The following ABCC9 variants were observed in gnomAD, a reference collection of about 807,000 sequenced individuals.
ABCC9 encodes the protein ATP binding cassette subfamily C member 9, also known as ATP-binding cassette sub-family C member 9.
Under a neutral mutation model 188.3 loss-of-function variants are expected in ABCC9, and 95 were observed. The ratio of observed to expected loss-of-function variants is 0.50; its 90% CI spans 0.43 to 0.60. The LOEUF is 0.60. Among genes scored for constraint, ABCC9 ranks in the 20% least tolerant of loss-of-function variants. ABCC9 has a pLI of 0.00. For synonymous variants in ABCC9, 659 were observed against 652.7 expected (o/e 1.01, Z -0.15); for missense variants, 1,102 against 1,876.3 (o/e 0.59, Z 7.62).
intron 30 of ABCC9, among the ~76,000 whole-genome samples, 172 bp from the exon 31 acceptor site, chr12:21,829,232 C>G (rs374314089): frequency 2.7e-5 from 3 of 109,656 alleles, no homozygotes; most frequent in Admixed American, 1.4e-4. Flanking sequence ...GATGGAGTCT[C>G]GCTCTGTTGC....
chr12:21,842,873 T>C (rs556313834), intron 28 of ABCC9, among the ~76,000 whole-genome samples: 32 of 152,208 alleles, frequency 2.1e-4, no homozygotes, highest in Non-Finnish European at 4.6e-4. Context: ...TTTAAATTAA[T>C]TTTCTGTAAT....
intron 16 of ABCC9, among the ~76,000 whole-genome samples, chr12:21,881,317 G>T (rs527734962): frequency 1.3e-5 from 2 of 152,036 alleles, no homozygotes; most frequent in African/African-American, 4.8e-5. Flanking sequence ...AGCTTTCACC[G>T]TAAATAAAAA....
At chr12:21,812,024 A>G (rs778635151) in intron 36 of ABCC9, 25 bp downstream of exon 36, 2 of 1,483,760 alleles carry the variant, frequency 1.3e-6, no homozygotes, top group South Asian at 2.3e-5. Context: ...TAAGGCATAC[A>G]GGTGTTGCTA....
rs1308457722 is a variant in ABCC9, at chr12:21,851,435, TACTTA to T, written c.2769+657_2769+661del. The stretch of plus-strand genomic sequence containing the variant: ...ATATGCTGTACAACTTTAGGTAAGT[TACTTA>T]ACTTCTCTGAGCCTCAGCTTTCTCA... On this transcript the variant is annotated intron_variant, in intron 24 of 39. Coordinates refer to ENST00000261200, the MANE Select transcript of ABCC9 (RefSeq NM_020297.4). 2.0e-5 allele frequency among the ~76,000 whole-genome samples: 3 copies of T among 152,294 alleles called. No homozygotes were observed. The East Asian group carries it at 5.8e-4, about 29-fold the overall frequency.
chr12:21,844,474 G>T lies in ABCC9; in HGVS notation c.3315+9C>A, dbSNP rs547388535. The T allele has an allele frequency of 1.3e-5, 21 of 1,610,940 alleles. No homozygotes were observed. In the South Asian group the frequency reaches 2.1e-4, roughly 16 times the overall value. On this transcript the variant is annotated intron_variant, in intron 28 of 39. Transcript: ENST00000261200. ...AATTTTTGAACTTGGAAGTAACCCAGTTACTCACCTGATCAATGATATTAG... is the reference window on the plus strand; with the variant it reads ...AATTTTTGAACTTGGAAGTAACCCATTTACTCACCTGATCAATGATATTAG...
At chr12:21,823,640 C>G (rs886899912) in intron 31 of ABCC9, among the ~76,000 whole-genome samples, 5 of 152,232 alleles carry the variant, frequency 3.3e-5, no homozygotes, top group African/African-American at 1.2e-4. Context: ...CACAGCAAGA[C>G]AAAGCCTTGG....
At chr12:21,907,032 G>T (rs1434234132) in intron 11 of ABCC9, among the ~76,000 whole-genome samples, 1 of 152,074 alleles carries the variant, frequency 6.6e-6, no homozygotes, top group Non-Finnish European at 1.5e-5. Context: ...GGGCAGTAGA[G>T]TGGTCAAAAG....
Position 21,910,172 on chromosome 12 carries a change from C to T in ABCC9, c.1305G>A (p.Trp435Ter), listed in dbSNP as rs1555113677. The change falls in exon 10 of 40, where the codon TGG (tryptophan) becomes TGA (stop). Residue 435 changes from tryptophan (W) to a stop codon, truncating the protein, a stop_gained. Transcript: ENST00000261200. LOFTEE classifies it high-confidence loss of function. The part of the protein sequence containing the change: ...MWFLFLCPNL[W>*]AMPVQIIMGV... ...ATCTACCTACCTGAACAGGCATAGC[C>T]CATAGATTGGGACACAGGAACAAAA... The T allele has an allele frequency of 1.2e-6, 2 of 1,610,800 alleles. No homozygotes were observed. The highest frequency in any genetic ancestry group is 8.5e-7 in the Non-Finnish European group (1 of 1,177,806).
At chr12:21,921,655 T>A (rs1948824588) in intron 5 of ABCC9, among the ~76,000 whole-genome samples, 1 of 152,138 alleles carries the variant, frequency 6.6e-6, no homozygotes, top group African/African-American at 2.4e-5. Flanking sequence ...CCCAGTCCAA[T>A]GTCCTAGAGA....
chr12:21,905,066 G>A (rs1461161650), intron 12 of ABCC9, among the ~76,000 whole-genome samples: 2 of 152,112 alleles, frequency 1.3e-5, no homozygotes, highest in African/African-American at 4.8e-5. Flanking sequence ...AAGAAAATGT[G>A]GCACATATAT....
At position 21,852,118 on chromosome 12, in the gene ABCC9, C is replaced by A; in HGVS notation, c.2748G>T (p.Arg916=). Residue 916 remains arginine (R), a synonymous_variant, in exon 24 of 40, where the codon CGG becomes CGT. Transcript: ENST00000261200. The stretch of plus-strand genomic sequence containing the variant: ...TTACCTTTTCTAATTCTTGATCTTG[C>A]CGATTCATAAGTGTTTTCCAGTGTT... ...LYEHWKTLMN[R]QDQELEKDME... 6.2e-7 allele frequency: 1 copy of A among 1,613,590 alleles called. No homozygotes were observed. The highest frequency in any genetic ancestry group is 8.5e-7 in the Non-Finnish European group (1 of 1,179,832).
rs767209044 is a variant in ABCC9 at position 21,917,112 on chromosome 12, A to G, written c.407-9T>C. Reference sequence around the variant, plus strand: ...CCAATACAGGAACAGGGCTGAAAAGAAAAAGACAAAAAGAGAAAGATGCAA... The same window carrying G: ...CCAATACAGGAACAGGGCTGAAAAGGAAAAGACAAAAAGAGAAAGATGCAA... On this transcript the variant is annotated splice_polypyrimidine_tract_variant and intron_variant, in intron 5 of 39. Transcript: ENST00000261200. 2.1e-5 allele frequency: 34 copies of G among 1,612,754 alleles called. No homozygotes were observed. The highest frequency in any genetic ancestry group is 2.6e-5 in the Non-Finnish European group (31 of 1,179,076).
At position 21,798,310 on chromosome 12, in the gene ABCC9, C is replaced by A. The variant is rs988340052; in HGVS notation, c.*2734G>T. On this transcript the variant is annotated 3_prime_UTR_variant, in exon 40 of 40. Transcript: ENST00000261200. The stretch of plus-strand genomic sequence containing the variant: ...TAAAAGTGTTCCTATTTCTCCACAT[C>A]CTCTCCAGCACCTGTTGTTTCCTGA... The A allele has an allele frequency of 6.6e-6, 1 of 151,778 alleles. No homozygotes were observed. 9.4% of individuals were successfully genotyped at this position (151,778 alleles called of 1,614,324 possible).
chr12:21,874,508 G>A lies in ABCC9; in HGVS notation c.2092+1146C>T, dbSNP rs148426044. On this transcript the variant is annotated intron_variant, in intron 17 of 39. Transcript: ENST00000261200. Reference sequence around the variant, plus strand: ...TATGATCCAGCAATCCCACTTCTGGGTATTTATGCAAGCGAATCAGAATTA... The same window carrying A: ...TATGATCCAGCAATCCCACTTCTGGATATTTATGCAAGCGAATCAGAATTA... 1.6e-4 allele frequency among the ~76,000 whole-genome samples: 24 copies of A among 152,258 alleles called. No individual in the cohort carries two copies. In the East Asian group the frequency reaches 4.6e-3, roughly 29 times the overall value.
intron 15 of ABCC9, among the ~76,000 whole-genome samples, chr12:21,883,908 T>G (rs1424907722): frequency 6.6e-6 from 1 of 152,210 alleles, no homozygotes; most frequent in African/African-American, 2.4e-5. Flanking sequence ...GTAAGTCATA[T>G]CTAGAAATTT....
intron 5 of ABCC9, chr12:21,925,355 A>T: frequency 1.8e-6 from 1 of 558,644 alleles, no homozygotes; most frequent in South Asian, 2.6e-5. Flanking sequence ...GAGGCTAATA[A>T]AACAATTTTA....
At chr12:21,913,771 T>C (rs1237756991) in intron 7 of ABCC9, among the ~76,000 whole-genome samples, 1 of 152,182 alleles carries the variant, frequency 6.6e-6, no homozygotes, top group African/African-American at 2.4e-5. Flanking sequence ...GCAATCATCA[T>C]AATTAAAATT....
At chr12:21,924,904 G>A (rs1260709327) in intron 5 of ABCC9, 1 of 151,828 alleles carries the variant, frequency 6.6e-6, no homozygotes, top group African/African-American at 2.4e-5. Flanking sequence ...TTATTAGATT[G>A]CCTTTAACAA....
chr12:21,816,947 T>C (rs1223730310), intron 33 of ABCC9, among the ~76,000 whole-genome samples: 1 of 152,172 alleles, frequency 6.6e-6, no homozygotes, highest in Admixed American at 6.6e-5. Flanking sequence ...AAATCCCAAA[T>C]ATTTTCTCTT....
Sources: gnomAD v4.1 joint callset for allele counts (sites outside exome capture counted in the v4.1 genomes callset) on GRCh38, gnomAD v4.1.1 for gene constraint, MANE v1.5 for transcripts, NCBI Gene and HGNC (gene_info 2026-07-23, HGNC 2026-07-21) for gene names.